SFXN3: variants seen among roughly 807,000 people sequenced by gnomAD.
The protein encoded by SFXN3 is sideroflexin 3.
A neutral mutation model predicts 40.4 loss-of-function variants in SFXN3; 31 were observed. That is an observed-to-expected ratio of 0.77 (90% CI 0.58 to 1.04). The LOEUF (loss-of-function observed/expected upper bound fraction) is 1.04. Among genes scored for constraint, SFXN3 ranks in the 50% least tolerant of loss-of-function variants. The probability of loss-of-function intolerance (pLI) is 0.00; values close to 1 mark genes in which losing one functional copy is unlikely to be tolerated. For missense variants in SFXN3, 366 were observed against 408.2 expected (o/e 0.90, Z 0.89); for synonymous variants, 157 against 160.0 (o/e 0.98, Z 0.14).
rs371817764 is a variant in SFXN3 at position 101,039,483 on chromosome 10, T to C, written c.870-6T>C. ...ACGTTAACTGGCCTGTGCTGTTCTA[T>C]TGCAGCTCCATACACATAAGCAACC... is the stretch of plus-strand genomic sequence containing the variant. On this transcript the variant is annotated splice_region_variant and splice_polypyrimidine_tract_variant and intron_variant, in intron 11 of 11. Coordinates refer to ENST00000393459, the Ensembl canonical transcript of SFXN3. This position sits in a 1 kb window ranked among gnomAD's most constrained non-coding sequence, Gnocchi z 4.6. The C allele has an allele frequency of 1.9e-5, 31 of 1,613,640 alleles. No homozygotes were observed. Among genetic ancestry groups the C allele is most frequent in the Non-Finnish European group, 2.6e-5 (31 of 1,179,686 alleles).
In SFXN3 at chr10:101,034,838, C is replaced by A. The variant is rs769565012; in HGVS notation, c.144C>A (p.Asn48Lys). 34 of 1,613,994 alleles carry A rather than the reference C, an allele frequency of 2.1e-5. No individual in the cohort carries two copies. The Middle Eastern group carries it at 9.9e-4, about 47-fold the overall frequency. ...GGGCACAGCTGGAAGCTTCTCGGAA[C>A]ATCGTGCAGAACTACAGGTGACCAC... The change falls in exon 3 of 12, where the codon AAC (asparagine) becomes AAA (lysine). Residue 48 changes from asparagine to lysine, a missense_variant. Asn to Lys is a moderately conservative substitution (Grantham distance 94). Coordinates refer to ENST00000393459, the Ensembl canonical transcript of SFXN3.
intron 7 of SFXN3, 37 bp from the exon 8 acceptor site, chr10:101,037,039 G>C: frequency 6.2e-7 from 1 of 1,610,950 alleles, no homozygotes; most frequent in South Asian, 1.1e-5. Flanking sequence ...GTGGGATCCG[G>C]GGCCTGTGAT....
intron 9 of SFXN3, chr10:101,038,371 GA>G: frequency 2.3e-5 from 31 of 1,370,364 alleles, no homozygotes; most frequent in South Asian, 8.7e-5. Context: ...AGTGAGGGAA[GA>G]AAAAAAAGGG....
At chr10:101,038,157 C>G (rs1054441264) in intron 9 of SFXN3, 1 of 486,942 alleles carries the variant, frequency 2.1e-6, no homozygotes, top group Non-Finnish European at 2.8e-6. Context: ...GTTTGGGGTA[C>G]AGAAAACAGT....
chr10:101,036,892 T>C lies in SFXN3; in HGVS notation c.593+84T>C, dbSNP rs530760644. The C allele has an allele frequency of 6.5e-7, 1 of 1,542,588 alleles. No homozygotes were observed. Among genetic ancestry groups the C allele is most frequent in the East Asian group, 2.3e-5 (1 of 42,948 alleles). On this transcript the variant is annotated intron_variant, in intron 7 of 11. Coordinates refer to ENST00000393459, the Ensembl canonical transcript of SFXN3. The surrounding 1 kb of genome is among the most constrained non-coding windows in gnomAD (Gnocchi z 4.2). ...CGCAGACCACCTCAGAATGGGGACA[T>C]CCCTCTCCCTCCCCAGACATGAGCT...
At position 101,036,397 on chromosome 10, in the gene SFXN3, A is replaced by G. The variant is rs892202540; in HGVS notation, c.432-89A>G. On this transcript the variant is annotated intron_variant, in intron 5 of 11. Transcript: ENST00000393459. The surrounding 1 kb of genome is among the most constrained non-coding windows in gnomAD (Gnocchi z 4.2). ...CAAGGAGCTTCCCCTTTTATGCCTC[A>G]TGTATTGAGGACTTGGCATATCCCT... 2.4e-6 allele frequency: 3 copies of G among 1,249,212 alleles called. No individual in the cohort carries two copies. Among genetic ancestry groups the G allele is most frequent in the Non-Finnish European group, 3.5e-6 (3 of 859,366 alleles). 77.4% of individuals were successfully genotyped at this position (1,249,212 alleles called of 1,614,324 possible).
chr10:101,038,033 T>C, intron 9 of SFXN3: 2 of 258,126 alleles, frequency 7.7e-6, no homozygotes, highest in Non-Finnish European at 1.3e-5. Context: ...AGGAAAGCAA[T>C]GGGGGTAGTG....
At chr10:101,038,094 GGT>G in intron 9 of SFXN3, 1 of 250,632 alleles carries the variant, frequency 4.0e-6, no homozygotes. Context: ...TCAGAGAAGG[GGT>G]CTTTAATGCC....
chr10:101,033,044 T>C lies in SFXN3; in HGVS notation c.-4+562T>C, dbSNP rs148519757. On this transcript the variant is annotated intron_variant, in intron 2 of 11. Coordinates refer to ENST00000393459, the Ensembl canonical transcript of SFXN3. ...AGAGCCTGGGGTCATTCAGTGTGAG[T>C]TGGAGAAAAATGGGTCTGTAGAGAG... Among the ~76,000 whole-genome samples the C allele has an allele frequency of 3.3e-3, 503 of 152,088 alleles. 8 individuals are homozygous for C. Among genetic ancestry groups the C allele is most frequent in the African/African-American group, 0.011 (473 of 41,472 alleles).
exon 3 of SFXN3, chr10:101,034,802 G>C (rs757440196): frequency 1.2e-6 from 2 of 1,614,180 alleles, no homozygotes; most frequent in Admixed American, 1.7e-5. Context: ...CTCGAAATCT[G>C]CTGCTGTCCG....
Position 101,036,939 on chromosome 10 carries a change from ACCCTGG to A in SFXN3, c.593+132_594-131del. On this transcript the variant is annotated intron_variant, in intron 7 of 11. Coordinates refer to ENST00000393459, the Ensembl canonical transcript of SFXN3. This position sits in a 1 kb window ranked among gnomAD's most constrained non-coding sequence, Gnocchi z 4.2. ...AGCTGCTGGGCCCTGGCTCAGTCTG[ACCCTGG>A]GATCCTCAGGTGGGAGAACCAGCCT... 6.6e-7 allele frequency: 1 copy of A among 1,520,260 alleles called. No homozygotes were observed. The highest frequency in any genetic ancestry group is 1.3e-5 in the South Asian group (1 of 78,706). 94.2% of individuals were successfully genotyped at this position (1,520,260 alleles called of 1,614,324 possible). A position where few individuals can be genotyped will look rare whatever the true frequency, so the allele number is the denominator to read the frequency against.
At chr10:101,032,554 G>A (rs1304026812) in intron 2 of SFXN3, 72 bp downstream of exon 2, 6 of 1,459,838 alleles carry the variant, frequency 4.1e-6, no homozygotes, top group Non-Finnish European at 5.5e-6. Context: ...CCTTGAAACT[G>A]TCTGTCCTGG....
At chr10:101,033,230 G>GT (rs1938409949) in intron 2 of SFXN3, among the ~76,000 whole-genome samples, 1 of 152,136 alleles carries the variant, frequency 6.6e-6, no homozygotes, top group Admixed American at 6.5e-5. Context: ...AGCCTTGGGG[G>GT]TTTGTATCCA....
At chr10:101,038,289 C>G in intron 9 of SFXN3, 1 of 1,216,534 alleles carries the variant, frequency 8.2e-7, no homozygotes, top group Non-Finnish European at 1.0e-6. Context: ...GGGTCAGATT[C>G]ATGCCACTGG....
Position 101,039,025 on chromosome 10 carries a change from T to C in SFXN3, c.822-150T>C, listed in dbSNP as rs1938764010. On this transcript the variant is annotated intron_variant, in intron 10 of 11. Coordinates refer to ENST00000393459, the Ensembl canonical transcript of SFXN3. The surrounding 1 kb of genome is among the most constrained non-coding windows in gnomAD (Gnocchi z 4.6). ...GGCTCTCTTTCCTCAGAACCTGATGTCCAGGTTGGGTTTACTATTCCTAAA... is the reference window on the plus strand; with the variant it reads ...GGCTCTCTTTCCTCAGAACCTGATGCCCAGGTTGGGTTTACTATTCCTAAA... The C allele has an allele frequency of 1.4e-6, 1 of 701,614 alleles. No individual in the cohort carries two copies. Among genetic ancestry groups the C allele is most frequent in the African/African-American group, 1.8e-5 (1 of 55,460 alleles). The allele number at this position is 701,614 out of a possible 1,614,324, so 43.5% of individuals were successfully genotyped here.
intron 2 of SFXN3, among the ~76,000 whole-genome samples, chr10:101,033,272 C>T (rs945119746): frequency 2.0e-4 from 31 of 152,132 alleles, no homozygotes; most frequent in African/African-American, 7.2e-4. Flanking sequence ...TAAAGCTCAC[C>T]TGAGCATGGG....
At chr10:101,040,341 G>T in exon 12 of SFXN3, 1 of 152,410 alleles carries the variant, frequency 6.6e-6, no homozygotes, top group Non-Finnish European at 1.5e-5. Flanking sequence ...TTCCTGGTGT[G>T]CTCTGACATC....
intron 1 of SFXN3, among the ~76,000 whole-genome samples, chr10:101,031,778 A>G (rs1014650876): frequency 3.3e-5 from 5 of 151,570 alleles, no homozygotes; most frequent in Non-Finnish European, 5.9e-5. Context: ...GTGCAGGGCT[A>G]GGGGTTGGGA....
chr10:101,032,875 A>G (rs1160282522), intron 2 of SFXN3, among the ~76,000 whole-genome samples: 1 of 152,068 alleles, frequency 6.6e-6, no homozygotes, highest in African/African-American at 2.4e-5. Context: ...ATTCTGCCCA[A>G]CTCAGCCAGA....
Sources: gnomAD v4.1 joint callset for allele counts (sites outside exome capture counted in the v4.1 genomes callset) on GRCh38, gnomAD v4.1.1 for gene constraint, Gnocchi (gnomAD v3.1) non-coding constraint, MANE v1.5 for transcripts, NCBI Gene and HGNC (gene_info 2026-07-23, HGNC 2026-07-21) for gene names.